Variants in EIF2AK2 observed in about 807,000 individuals in gnomAD.
EIF2AK2 encodes interferon-induced, double-stranded RNA-activated protein kinase.
A neutral mutation model predicts 70.5 loss-of-function variants in EIF2AK2; 40 were observed. The ratio of observed to expected loss-of-function variants is 0.57; its 90% confidence interval spans 0.44 to 0.74. The LOEUF (loss-of-function observed/expected upper bound fraction) is 0.74, where lower values mean the gene tolerates loss of function less well. Among genes scored for constraint, EIF2AK2 ranks in the 30% least tolerant of loss-of-function variants. EIF2AK2 has a pLI of 0.00. For missense variants in EIF2AK2, 555 were observed against 644.3 expected (o/e 0.86, Z 1.50); for synonymous variants, 198 against 220.9 (o/e 0.90, Z 0.92).
chr2:37,139,981 A>G (rs374219505), intron 5 of EIF2AK2, among the ~76,000 whole-genome samples: 18 of 152,296 alleles, frequency 1.2e-4, no homozygotes, highest in African/African-American at 4.3e-4. Flanking sequence ...TTTTCCAGGC[A>G]ATTTCTAATT....
chr2:37,110,609 C>G (rs995177743), intron 14 of EIF2AK2, among the ~76,000 whole-genome samples: 8 of 152,162 alleles, frequency 5.3e-5, no homozygotes. Flanking sequence ...CATGCCTTCT[C>G]CATTCTAGAC....
chr2:37,151,174 G>C (rs1675727843), intron 1 of EIF2AK2, among the ~76,000 whole-genome samples: 2 of 152,036 alleles, frequency 1.3e-5, no homozygotes, highest in South Asian at 4.1e-4. Context: ...CTACAGAATA[G>C]AATATTTACA....
rs180766333 is a variant in EIF2AK2, at chr2:37,100,303, G to A, written c.*6970C>T. 3.8e-4 allele frequency: 58 copies of A among 152,338 alleles called. No homozygotes were observed. Among genetic ancestry groups the A allele is most frequent in the African/African-American group, 1.3e-3 (53 of 41,566 alleles). 9.4% of individuals were successfully genotyped at this position (152,338 alleles called of 1,614,324 possible). A position where few individuals can be genotyped will look rare whatever the true frequency, so the allele number is the denominator to read the frequency against. On this transcript the variant is annotated 3_prime_UTR_variant, in exon 17 of 17. Transcript: ENST00000233057. Reference sequence around the variant, plus strand: ...CCAGAGGAGCATGGCCTTGCCCAGTGAACTGCAGCCCAGTGAATCTCATTT... The same window carrying A: ...CCAGAGGAGCATGGCCTTGCCCAGTAAACTGCAGCCCAGTGAATCTCATTT...
intron 6 of EIF2AK2, among the ~76,000 whole-genome samples, chr2:37,138,853 T>C (rs1675219936): frequency 6.6e-6 from 1 of 152,098 alleles, no homozygotes; most frequent in African/African-American, 2.4e-5. Flanking sequence ...TGAAGTGCAG[T>C]GGCACAATCT....
chr2:37,147,064 C>G, intron 3 of EIF2AK2, 91 bp from the exon 4 acceptor site: 1 of 1,239,918 alleles, frequency 8.1e-7, no homozygotes, highest in Non-Finnish European at 1.1e-6. Flanking sequence ...CCTATGACTA[C>G]CTTTGAGGGT....
intron 3 of EIF2AK2, among the ~76,000 whole-genome samples, chr2:37,147,436 A>G (rs1675587140): frequency 1.4e-5 from 2 of 147,364 alleles, no homozygotes; most frequent in South Asian, 4.4e-4. Flanking sequence ...AGCATTAGGT[A>G]TATCTCCTAA....
At chr2:37,113,497 T>TAA in intron 14 of EIF2AK2, among the ~76,000 whole-genome samples, 1 of 28,298 alleles carries the variant, frequency 3.5e-5, no homozygotes. Context: ...AAACTCCATC[T>TAA]CAAAAAAAAA....
intron 14 of EIF2AK2, among the ~76,000 whole-genome samples, chr2:37,111,403 T>C (rs942611671): frequency 2.0e-5 from 3 of 151,572 alleles, no homozygotes; most frequent in East Asian, 1.9e-4. Context: ...CTTTTCTTTT[T>C]TTTTTTTTTT....
intron 13 of EIF2AK2, 116 bp from the exon 14 acceptor site, chr2:37,114,975 A>C: frequency 3.6e-6 from 2 of 558,402 alleles, no homozygotes; most frequent in African/African-American, 2.0e-5. Flanking sequence ...TTACCCTTAC[A>C]CAGGTAGCCA....
At position 37,141,580 on chromosome 2, in the gene EIF2AK2, C is replaced by A; in HGVS notation, c.362G>T (p.Cys121Phe). ...KKRLTVNYEQ[C>F]ASGVHGPEGF... ...TTCTGGCCCATGCACCCCCGATGCA[C>A]ACTGTTCATAATTTACAGTTAGTCT... Residue 121 changes from cysteine (C) to phenylalanine (F), a missense_variant, in exon 5 of 17, where the codon TGT becomes TTT. Physicochemically the swap from Cys to Phe is radical, Grantham distance 205. Around this residue, in one of 3 missense-constraint regions of EIF2AK2, gnomAD observed 208 missense variants for 191.8 expected, o/e 1.08. Transcript: ENST00000233057. The A allele has an allele frequency of 6.2e-7, 1 of 1,613,954 alleles. No homozygotes were observed. The highest frequency in any genetic ancestry group is 1.1e-5 in the South Asian group (1 of 91,016).
rs1675565009 is a variant in EIF2AK2, at chr2:37,146,925, T to C, written c.168A>G (p.Glu56=). ...TTTTTGCTTCCTTCTTTGATCTACC[T>C]TCACCTTCTGGAAATTCTCTTCCAT... The part of the protein sequence containing the change: ...IIDGREFPEG[E]GRSKKEAKNA... The change falls in exon 4 of 17, where the codon GAA becomes GAG. Residue 56 remains glutamate (E), a synonymous_variant. Transcript: ENST00000233057. The C allele has an allele frequency of 1.2e-6, 2 of 1,613,550 alleles. No individual in the cohort carries two copies. The highest frequency in any genetic ancestry group is 2.7e-5 in the African/African-American group (2 of 74,928).
intron 3 of EIF2AK2, 26 bp downstream of exon 3, chr2:37,147,662 C>T: frequency 1.4e-6 from 2 of 1,439,996 alleles, no homozygotes; most frequent in Non-Finnish European, 1.9e-6. Context: ...TTTATGGCTG[C>T]CATATCATTT....
At chr2:37,151,344 AT>A (rs1675734748) in intron 1 of EIF2AK2, among the ~76,000 whole-genome samples, 1 of 152,218 alleles carries the variant, frequency 6.6e-6, no homozygotes, top group Non-Finnish European at 1.5e-5. Context: ...ACATGAAAAG[AT>A]ACTCAACATC....
intron 4 of EIF2AK2, among the ~76,000 whole-genome samples, chr2:37,144,226 CT>C (rs1675442518): frequency 6.6e-6 from 1 of 152,184 alleles, no homozygotes. Flanking sequence ...AACAAATCTA[CT>C]GTTCTACAGT....
intron 14 of EIF2AK2, among the ~76,000 whole-genome samples, chr2:37,110,986 A>C (rs1674122970): frequency 6.6e-6 from 1 of 152,240 alleles, no homozygotes; most frequent in Non-Finnish European, 1.5e-5. Flanking sequence ...TTAAAAAGAA[A>C]TTCTGACATG....
At chr2:37,123,881 T>C (rs946660919) in intron 11 of EIF2AK2, among the ~76,000 whole-genome samples, 3 of 152,284 alleles carry the variant, frequency 2.0e-5, no homozygotes, top group African/African-American at 7.2e-5. Context: ...TATTTTTTAA[T>C]GCAAGAAGTT....
chr2:37,136,224 T>C (rs958892364), intron 9 of EIF2AK2, among the ~76,000 whole-genome samples: 20 of 152,222 alleles, frequency 1.3e-4, no homozygotes, highest in African/African-American at 4.8e-4. Context: ...ACTCCTTAAC[T>C]TCCTTAACAC....
chr2:37,109,791 T>C (rs1205090435), intron 14 of EIF2AK2, among the ~76,000 whole-genome samples: 2 of 152,208 alleles, frequency 1.3e-5, no homozygotes, highest in African/African-American at 4.8e-5. Context: ...CAGAAGATAT[T>C]ATTTTGAATG....
intron 11 of EIF2AK2, among the ~76,000 whole-genome samples, chr2:37,125,225 G>A (rs973989509): frequency 2.0e-5 from 3 of 152,026 alleles, no homozygotes; most frequent in African/African-American, 7.2e-5. Flanking sequence ...TGGTGAGGCT[G>A]GTCTCGAACT....
Sources: gnomAD v4.1 joint callset for allele counts (sites outside exome capture counted in the v4.1 genomes callset) on GRCh38, gnomAD v4.1.1 for gene constraint, gnomAD v4.1.1 regional missense constraint, MANE v1.5 for transcripts, NCBI Gene and HGNC (gene_info 2026-07-23, HGNC 2026-07-21) for gene names.